Variants in CDK19 observed in about 807,000 individuals in gnomAD.
The protein encoded by CDK19 is cyclin-dependent kinase 19.
CDK19 carries 20 observed loss-of-function variants against 68.3 expected under a neutral mutation model. The observed-to-expected ratio is 0.29, with a 90% CI of 0.21 to 0.43. The LOEUF (loss-of-function observed/expected upper bound fraction) is 0.43. Ranked by LOEUF, CDK19 falls within the 20% of genes least tolerant of loss-of-function variation. CDK19 has a pLI of 1.00. For missense variants in CDK19, 339 were observed against 623.5 expected (o/e 0.54, Z 4.86); for synonymous variants, 221 against 222.8 (o/e 0.99, Z 0.07).
chr6:110,747,424 G>C (rs1307274535), intron 1 of CDK19, among the ~76,000 whole-genome samples: 1 of 152,092 alleles, frequency 6.6e-6, no homozygotes, highest in Non-Finnish European at 1.5e-5. Context: ...AACATACTAG[G>C]TATGTCAACA....
At chr6:110,799,047 G>C (rs1459589589) in intron 1 of CDK19, among the ~76,000 whole-genome samples, 1 of 151,156 alleles carries the variant, frequency 6.6e-6, no homozygotes, top group African/African-American at 2.4e-5. Context: ...AGGAGGCTGA[G>C]GTGGGAGAAT....
intron 2 of CDK19, among the ~76,000 whole-genome samples, chr6:110,729,607 T>TTC (rs1288250635): frequency 6.7e-6 from 1 of 149,530 alleles, no homozygotes; most frequent in Non-Finnish European, 1.5e-5. Context: ...TTTTGTATTT[T>TTC]TTTTTTTTTT....
At chr6:110,799,143 T>A (rs1232838530) in intron 1 of CDK19, among the ~76,000 whole-genome samples, 1 of 31,346 alleles carries the variant, frequency 3.2e-5, no homozygotes, top group African/African-American at 1.9e-4. Context: ...AACCCTGTAT[T>A]TAAAAAAAAA....
chr6:110,779,968 C>G (rs1325734762), intron 1 of CDK19, among the ~76,000 whole-genome samples: 3 of 151,992 alleles, frequency 2.0e-5, no homozygotes, highest in Non-Finnish European at 4.4e-5. Context: ...ACCTGTAATC[C>G]CAGCACTTCA....
At chr6:110,700,246 G>A (rs914488587) in intron 2 of CDK19, among the ~76,000 whole-genome samples, 32 of 152,164 alleles carry the variant, frequency 2.1e-4, no homozygotes, top group African/African-American at 7.0e-4. Flanking sequence ...ACTATGGTGA[G>A]ATGTATAATT....
At position 110,623,260 on chromosome 6, in the gene CDK19, CAGATTTT is replaced by C. The variant is rs1354019995; in HGVS notation, c.933+23_933+29del. ...AGAAGGCGAGATTTGTGCTGAGAAT[CAGATTTT>C]AGTCTGGGAGAGAAGCACCTACCAA... On this transcript the variant is annotated intron_variant, in intron 9 of 12. Coordinates refer to ENST00000368911, the MANE Select transcript of CDK19 (RefSeq NM_015076.5). 3.2e-6 allele frequency: 5 copies of C among 1,582,076 alleles called. No homozygotes were observed. In the South Asian group the frequency reaches 5.6e-5, roughly 18 times the overall value.
chr6:110,625,940 G>A (rs1456903867), intron 8 of CDK19, among the ~76,000 whole-genome samples: 4 of 152,174 alleles, frequency 2.6e-5, no homozygotes, highest in Admixed American at 2.6e-4. Context: ...TTCGGTAAGT[G>A]TGCATATTTA....
chr6:110,787,862 C>T (rs531057980), intron 1 of CDK19, among the ~76,000 whole-genome samples: 1 of 152,112 alleles, frequency 6.6e-6, no homozygotes, highest in Non-Finnish European at 1.5e-5. Context: ...CGTTTTGAGA[C>T]GTAGTCTCGC....
intron 6 of CDK19, among the ~76,000 whole-genome samples, chr6:110,631,275 T>A (rs1779418988): frequency 6.6e-6 from 1 of 152,196 alleles, no homozygotes; most frequent in African/African-American, 2.4e-5. Flanking sequence ...AGCTACAATG[T>A]ACTCTCCCCT....
chr6:110,769,421 C>T (rs1053430334), intron 1 of CDK19, among the ~76,000 whole-genome samples: 6 of 151,474 alleles, frequency 4.0e-5, no homozygotes, highest in Admixed American at 6.6e-5. Flanking sequence ...AAAAATTAGC[C>T]GGGCATAGTG....
chr6:110,632,483 C>A (rs1167833922), intron 5 of CDK19, among the ~76,000 whole-genome samples: 1 of 152,232 alleles, frequency 6.6e-6, no homozygotes, highest in Non-Finnish European at 1.5e-5. Flanking sequence ...ATAATCCCAG[C>A]ACTCTGGGAG....
intron 1 of CDK19, among the ~76,000 whole-genome samples, chr6:110,798,379 C>A (rs1782096681): frequency 6.6e-6 from 1 of 152,098 alleles, no homozygotes; most frequent in African/African-American, 2.4e-5. Flanking sequence ...GATCCCAGCA[C>A]TTTAGGAGGC....
At chr6:110,653,069 G>C (rs533143815) in intron 4 of CDK19, among the ~76,000 whole-genome samples, 40 of 152,066 alleles carry the variant, frequency 2.6e-4, no homozygotes, top group Non-Finnish European at 4.4e-4. Context: ...GTTCCCTTTA[G>C]AACAAGTAAA....
At chr6:110,806,822 C>G (rs1316347230) in intron 1 of CDK19, among the ~76,000 whole-genome samples, 2 of 150,970 alleles carry the variant, frequency 1.3e-5, no homozygotes, top group African/African-American at 4.9e-5. Context: ...ACTAAAAATA[C>G]AAAAAATTAG....
chr6:110,663,822 T>C (rs979250036), intron 4 of CDK19, among the ~76,000 whole-genome samples: 16 of 152,308 alleles, frequency 1.1e-4, no homozygotes, highest in Middle Eastern at 3.4e-3. Context: ...TGAGCCACCA[T>C]GCCCAGTCAG....
At chr6:110,705,165 CGAATACCTGG>C (rs1246097809) in intron 2 of CDK19, among the ~76,000 whole-genome samples, 3 of 151,934 alleles carry the variant, frequency 2.0e-5, no homozygotes, top group African/African-American at 7.3e-5. Context: ...CTCAGCCTCC[CGAATACCTGG>C]GATTACAGGC....
At position 110,611,508 on chromosome 6, in the gene CDK19, G is replaced by C. The variant is rs932590628; in HGVS notation, c.*3027C>G. The C allele has an allele frequency of 2.0e-5, 3 of 152,276 alleles. No individual in the cohort carries two copies. The highest frequency in any genetic ancestry group is 4.4e-5 in the Non-Finnish European group (3 of 68,098). 9.4% of individuals were successfully genotyped at this position (152,276 alleles called of 1,614,324 possible). On this transcript the variant is annotated 3_prime_UTR_variant, in exon 13 of 13. Transcript: ENST00000368911. Reference sequence around the variant, plus strand: ...TGTTAAAAAGGCTTTGTTCCCAACTGGGTGCGGTGGCTCACACCTATAATC... The same window carrying C: ...TGTTAAAAAGGCTTTGTTCCCAACTCGGTGCGGTGGCTCACACCTATAATC...
intron 5 of CDK19, among the ~76,000 whole-genome samples, chr6:110,638,080 G>C (rs1456023361): frequency 6.6e-6 from 1 of 152,004 alleles, no homozygotes; most frequent in Non-Finnish European, 1.5e-5. Flanking sequence ...GAACATTCAG[G>C]ATTATAAAGG....
intron 2 of CDK19, among the ~76,000 whole-genome samples, chr6:110,696,133 C>T (rs930855715): frequency 8.6e-5 from 13 of 151,992 alleles, no homozygotes; most frequent in African/African-American, 2.9e-4. Flanking sequence ...AACAGCATAT[C>T]GAAAAGATAA....
Sources: allele counts gnomAD v4.1 joint callset (sites outside exome capture counted in the v4.1 genomes callset), GRCh38; gene constraint gnomAD v4.1.1; transcripts MANE v1.5; gene names NCBI Gene and HGNC (gene_info 2026-07-23, HGNC 2026-07-21).